PDE3A: variants seen among roughly 807,000 people sequenced by gnomAD.
PDE3A encodes cGMP-inhibited 3',5'-cyclic phosphodiesterase 3A.
A neutral mutation model predicts 98.3 loss-of-function variants in PDE3A; 43 were observed. The observed-to-expected ratio is 0.44, with a 90% CI of 0.34 to 0.56. PDE3A has a LOEUF of 0.56. PDE3A is among the 20% of genes least tolerant of loss of function. The pLI, the probability that PDE3A is intolerant of heterozygous loss-of-function variation, is 0.01. For missense variants in PDE3A, 1,427 were observed against 1,440.7 expected (o/e 0.99, Z 0.15); for synonymous variants, 663 against 567.9 (o/e 1.17, Z -2.38).
rs1004945948 is a variant in PDE3A at position 20,542,284 on chromosome 12, TA to T, written c.961-14371del. On this transcript the variant is annotated intron_variant, in intron 1 of 15. Coordinates refer to ENST00000359062, the MANE Select transcript of PDE3A (RefSeq NM_000921.5). Reference sequence around the variant, plus strand: ...CAGTATTTTTCTCATTTATAAGACTTAAAAATGAATTCAATGTTTTAAGTCA... The same window carrying T: ...CAGTATTTTTCTCATTTATAAGACTTAAAATGAATTCAATGTTTTAAGTCA... Among the ~76,000 whole-genome samples, 13 of 152,196 alleles carry T rather than the reference TA, an allele frequency of 8.5e-5. No individual in the cohort carries two copies. In the East Asian group the frequency reaches 2.3e-3, roughly 27 times the overall value.
At chr12:20,568,303 T>G (rs1191594341) in intron 2 of PDE3A, among the ~76,000 whole-genome samples, 2 of 151,998 alleles carry the variant, frequency 1.3e-5, no homozygotes, top group Non-Finnish European at 2.9e-5. Flanking sequence ...ATGGACATTA[T>G]TAACTAATTT....
At chr12:20,379,736 A>G (rs1413251584) in intron 1 of PDE3A, among the ~76,000 whole-genome samples, 1 of 151,866 alleles carries the variant, frequency 6.6e-6, no homozygotes, top group Non-Finnish European at 1.5e-5. Flanking sequence ...GAAGAGAAGA[A>G]ATAAGACTAT....
At position 20,551,956 on chromosome 12, in the gene PDE3A, C is replaced by T. The variant is rs184129187; in HGVS notation, c.961-4704C>T. 1,119 of 1,612,892 alleles carry T rather than the reference C, an allele frequency of 6.9e-4. 10 individuals carry two copies. In the East Asian group the frequency reaches 0.018, roughly 26 times the overall value. ...CCAGGTCAGCGAGTCGGGTGTCCAT[C>T]GGCCCCACGTGGCTGGCATCCATGG... On this transcript the variant is annotated intron_variant, in intron 1 of 15. Transcript: ENST00000359062.
At chr12:20,604,945 G>C (rs1404196911) in intron 2 of PDE3A, among the ~76,000 whole-genome samples, 2 of 152,128 alleles carry the variant, frequency 1.3e-5, no homozygotes, top group Non-Finnish European at 2.9e-5. Flanking sequence ...GAACTTGGAA[G>C]CATTCTGAGT....
intron 1 of PDE3A, among the ~76,000 whole-genome samples, chr12:20,521,943 C>T (rs1946437028): frequency 6.6e-6 from 1 of 152,182 alleles, no homozygotes; most frequent in Non-Finnish European, 1.5e-5. Context: ...AGCATTTTCA[C>T]TTAACACTCT....
At chr12:20,530,868 G>A (rs893680007) in intron 1 of PDE3A, among the ~76,000 whole-genome samples, 2 of 152,266 alleles carry the variant, frequency 1.3e-5, no homozygotes, top group Admixed American at 6.5e-5. Flanking sequence ...TCCATGCAGT[G>A]TAAGTTCTGA....
Position 20,422,163 on chromosome 12 carries a change from G to A in PDE3A, c.960+51919G>A, listed in dbSNP as rs531215093. Among the ~76,000 whole-genome samples, 246 of 152,104 alleles carry A rather than the reference G, an allele frequency of 1.6e-3. 1 individual carries two copies. The highest frequency in any genetic ancestry group is 2.8e-3 in the Admixed American group (43 of 15,288). On this transcript the variant is annotated intron_variant, in intron 1 of 15. Transcript: ENST00000359062. The stretch of plus-strand genomic sequence containing the variant: ...AGATCGAGACCATCCTGGCTAACAC[G>A]GTGAAACTCCATCTCTACTAAAAAT...
intron 1 of PDE3A, among the ~76,000 whole-genome samples, chr12:20,402,753 A>C (rs2120669117): frequency 6.6e-6 from 1 of 152,270 alleles, no homozygotes; most frequent in South Asian, 2.1e-4. Context: ...GTGAAAAATA[A>C]ATTTTTTTCT....
At chr12:20,569,307 T>A (rs1942737095) in intron 2 of PDE3A, among the ~76,000 whole-genome samples, 1 of 152,118 alleles carries the variant, frequency 6.6e-6, no homozygotes, top group Non-Finnish European at 1.5e-5. Flanking sequence ...ATTGCTTCAC[T>A]GTCTTCTACA....
At chr12:20,485,198 G>C (rs1945704532) in intron 1 of PDE3A, among the ~76,000 whole-genome samples, 1 of 152,062 alleles carries the variant, frequency 6.6e-6, no homozygotes, top group Non-Finnish European at 1.5e-5. Flanking sequence ...GGGCTGCGAG[G>C]GAAAATCTAT....
At chr12:20,521,139 T>C (rs548221431) in intron 1 of PDE3A, among the ~76,000 whole-genome samples, 120 of 151,952 alleles carry the variant, frequency 7.9e-4, no homozygotes, top group African/African-American at 2.6e-3. Context: ...TGGAGTGTTT[T>C]TTTTTTTTTT....
Position 20,617,845 on chromosome 12 carries a change from A to G in PDE3A, c.1424+1461A>G, listed in dbSNP as rs536635479. On this transcript the variant is annotated intron_variant, in intron 4 of 15. Transcript: ENST00000359062. Reference sequence around the variant, plus strand: ...CCCTGCTTTTCTCTTCTCTTAGTCAATTAAATGAACTTGAGGGTTTAAATT... The same window carrying G: ...CCCTGCTTTTCTCTTCTCTTAGTCAGTTAAATGAACTTGAGGGTTTAAATT... Among the ~76,000 whole-genome samples the G allele has an allele frequency of 3.3e-5, 5 of 152,200 alleles. No individual in the cohort carries two copies. The South Asian group carries it at 6.2e-4, about 19-fold the overall frequency.
chr12:20,616,749 G>T (rs1415409950), intron 4 of PDE3A, among the ~76,000 whole-genome samples: 1 of 151,932 alleles, frequency 6.6e-6, no homozygotes, highest in African/African-American at 2.4e-5. Context: ...TTTGATATGA[G>T]ATCCCCCAGC....
At chr12:20,654,661 T>A (rs958363117) in intron 15 of PDE3A, among the ~76,000 whole-genome samples, 2 of 51,144 alleles carry the variant, frequency 3.9e-5, no homozygotes, top group African/African-American at 7.7e-5. Context: ...TACACCCGGC[T>A]TTTTTTTTTT....
intron 1 of PDE3A, among the ~76,000 whole-genome samples, chr12:20,551,074 C>T (rs1053584393): frequency 6.6e-6 from 1 of 151,054 alleles, no homozygotes; most frequent in Non-Finnish European, 1.5e-5. Flanking sequence ...GCTTAGTTTA[C>T]TCCCTGTTTT....
In PDE3A at chr12:20,648,588, T is replaced by A. The variant is rs1944830713; in HGVS notation, c.2566-100T>A. 7 of 757,666 alleles carry A rather than the reference T, an allele frequency of 9.2e-6. No individual in the cohort carries two copies. The East Asian group carries it at 1.7e-4, about 19-fold the overall frequency. 46.9% of individuals were successfully genotyped at this position (757,666 alleles called of 1,614,324 possible). A position where few individuals can be genotyped will look rare whatever the true frequency, so the allele number is the denominator to read the frequency against. ...GGAGTTACGTGATTACATTTCTTTG[T>A]TGTATGAATAAAAAGCAATTTCAAA... On this transcript the variant is annotated intron_variant, in intron 12 of 15. Coordinates refer to ENST00000359062, the MANE Select transcript of PDE3A (RefSeq NM_000921.5).
intron 1 of PDE3A, among the ~76,000 whole-genome samples, chr12:20,459,361 A>G (rs1310811938): frequency 2.6e-5 from 4 of 152,278 alleles, no homozygotes; most frequent in African/African-American, 9.6e-5. Context: ...TGGTCCTCCT[A>G]CTATACCTTG....
intron 1 of PDE3A, among the ~76,000 whole-genome samples, chr12:20,407,116 A>C (rs1591897383): frequency 6.6e-6 from 1 of 152,136 alleles, no homozygotes; most frequent in Non-Finnish European, 1.5e-5. Flanking sequence ...CTGGTATACT[A>C]TACAGTTTGG....
chr12:20,625,227 G>A (rs555238832), intron 5 of PDE3A, among the ~76,000 whole-genome samples: 1 of 152,238 alleles, frequency 6.6e-6, no homozygotes, highest in South Asian at 2.1e-4. Flanking sequence ...TTTAATAAAA[G>A]CTTAAAAGCA....
Sources: allele counts gnomAD v4.1 joint callset (sites outside exome capture counted in the v4.1 genomes callset), GRCh38; gene constraint gnomAD v4.1.1; transcripts MANE v1.5; gene names NCBI Gene and HGNC (gene_info 2026-07-23, HGNC 2026-07-21).